COL24A1: variants seen among roughly 807,000 people sequenced by gnomAD.
COL24A1 encodes the protein collagen type XXIV alpha 1 chain.
In COL24A1, 224 loss-of-function variants were observed where a neutral mutation model predicts 253.9. The ratio of observed to expected loss-of-function variants is 0.88; its 90% confidence interval spans 0.79 to 0.99. The LOEUF (loss-of-function observed/expected upper bound fraction) is 0.99. COL24A1 is among the 50% of genes least tolerant of loss of function. The probability of loss-of-function intolerance (pLI) is 0.00; values close to 1 mark genes in which losing one functional copy is unlikely to be tolerated. For missense variants in COL24A1, 2,131 were observed against 2,068.5 expected, an observed-to-expected ratio of 1.03 and a Z score of -0.59; for synonymous variants, 685 against 673.7, an observed-to-expected ratio of 1.02 and a Z score of -0.26.
chr1:86,049,032 G>A lies in COL24A1; in HGVS notation c.1905+1092C>T, dbSNP rs546973537. Among the ~76,000 whole-genome samples, 182 of 152,290 alleles carry A rather than the reference G, an allele frequency of 1.2e-3. 3 individuals carry two copies. The highest frequency in any genetic ancestry group is 6.8e-3 in the Middle Eastern group (2 of 294). ...TTAACAACGTAAACTGGAACCATTG[G>A]GTCAAGAAGTAGCAGATCAATTCTC... On this transcript the variant is annotated intron_variant, in intron 11 of 59. Transcript: ENST00000370571.
chr1:85,881,742 G>T (rs911041103), intron 32 of COL24A1, among the ~76,000 whole-genome samples: 2 of 152,134 alleles, frequency 1.3e-5, no homozygotes, highest in African/African-American at 4.8e-5. Flanking sequence ...TTAGTAATTT[G>T]TATTTTCTCC....
At chr1:85,736,246 T>G (rs1014383626) in intron 58 of COL24A1, 12 of 453,676 alleles carry the variant, frequency 2.6e-5, no homozygotes, top group African/African-American at 2.4e-4. Flanking sequence ...TGATTCCAAG[T>G]CTACTGTTCA....
At chr1:85,975,851 C>T (rs1205622547) in intron 20 of COL24A1, among the ~76,000 whole-genome samples, 1 of 152,084 alleles carries the variant, frequency 6.6e-6, no homozygotes, top group African/African-American at 2.4e-5. Context: ...CACTGGGGAC[C>T]CTGAAAACCC....
At chr1:86,011,683 T>C (rs1051981497) in intron 19 of COL24A1, among the ~76,000 whole-genome samples, 15 of 152,226 alleles carry the variant, frequency 9.9e-5, no homozygotes, top group African/African-American at 3.6e-4. Flanking sequence ...AAAACATTTA[T>C]AGAATGCTAT....
chr1:85,743,150 T>C (rs533360511), intron 57 of COL24A1, among the ~76,000 whole-genome samples: 1 of 152,322 alleles, frequency 6.6e-6, no homozygotes, highest in Non-Finnish European at 1.5e-5. Context: ...TCCCATCTTA[T>C]CAAGAGTACA....
chr1:85,945,083 T>A (rs542557389), intron 24 of COL24A1, among the ~76,000 whole-genome samples: 1 of 129,152 alleles, frequency 7.7e-6, no homozygotes, highest in South Asian at 2.9e-4. Context: ...AGTGGCACAA[T>A]CTCGGCTCAC....
At chr1:85,798,442 C>T (rs1306438795) in intron 47 of COL24A1, among the ~76,000 whole-genome samples, 1 of 152,088 alleles carries the variant, frequency 6.6e-6, no homozygotes, top group Non-Finnish European at 1.5e-5. Flanking sequence ...TAATCAACCT[C>T]TTAATAATGA....
chr1:86,111,437 G>A (rs918187463), intron 5 of COL24A1, among the ~76,000 whole-genome samples: 1 of 151,156 alleles, frequency 6.6e-6, no homozygotes, highest in African/African-American at 2.4e-5. Context: ...TCAGCACTCA[G>A]TGTATAGCTC....
At chr1:85,888,423 C>T (rs1397971427) in intron 32 of COL24A1, among the ~76,000 whole-genome samples, 1 of 152,072 alleles carries the variant, frequency 6.6e-6, no homozygotes, top group Non-Finnish European at 1.5e-5. Context: ...TCATTTCTAT[C>T]CCTATCTGGC....
chr1:85,867,249 T>C (rs1246124902), intron 37 of COL24A1, among the ~76,000 whole-genome samples: 3 of 152,068 alleles, frequency 2.0e-5, no homozygotes, highest in Non-Finnish European at 4.4e-5. Flanking sequence ...AAGCTGAAAA[T>C]TATAAACACT....
chr1:86,102,850 A>G (rs914665702), intron 5 of COL24A1, among the ~76,000 whole-genome samples: 4 of 152,102 alleles, frequency 2.6e-5, no homozygotes, highest in African/African-American at 9.7e-5. Flanking sequence ...AAGAATGTAT[A>G]TTCTGTTGTT....
intron 25 of COL24A1, 101 bp from the exon 26 acceptor site, chr1:85,910,104 T>G: frequency 1.4e-6 from 1 of 709,790 alleles, no homozygotes. Flanking sequence ...AATCATGTCT[T>G]ACATGCATAC....
intron 19 of COL24A1, among the ~76,000 whole-genome samples, chr1:86,009,614 A>T (rs1028316530): frequency 6.6e-6 from 1 of 152,204 alleles, no homozygotes; most frequent in Admixed American, 6.5e-5. Flanking sequence ...AAAATGGTAC[A>T]TCTGTATAGG....
intron 5 of COL24A1, among the ~76,000 whole-genome samples, chr1:86,106,403 T>A (rs1007421911): frequency 6.6e-6 from 1 of 152,158 alleles, no homozygotes; most frequent in African/African-American, 2.4e-5. Flanking sequence ...GAAGGAACTA[T>A]TGGCCCTGAC....
At chr1:85,904,509 A>G (rs970058643) in intron 28 of COL24A1, among the ~76,000 whole-genome samples, 3 of 152,166 alleles carry the variant, frequency 2.0e-5, no homozygotes, top group African/African-American at 7.2e-5. Flanking sequence ...TACACAAGGG[A>G]CATGATTTTG....
intron 7 of COL24A1, among the ~76,000 whole-genome samples, chr1:86,066,409 T>A (rs908428251): frequency 6.6e-6 from 1 of 151,930 alleles, no homozygotes. Flanking sequence ...CGGCTATTTT[T>A]TTTTTCCTGT....
In COL24A1 at chr1:86,055,904, C is replaced by T. The variant is rs570093908; in HGVS notation, c.1851+2027G>A. ...TTGGGAGGCTGAGGCAGGCAGATCA[C>T]AAGGTCAGGAGTTCGAGACCAGCCT... On this transcript the variant is annotated intron_variant, in intron 10 of 59. Coordinates refer to ENST00000370571, the MANE Select transcript of COL24A1 (RefSeq NM_152890.7). 3.0e-3 allele frequency among the ~76,000 whole-genome samples: 462 copies of T among 152,122 alleles called. 1 individual carries two copies. Among genetic ancestry groups the T allele is most frequent in the African/African-American group, 9.1e-3 (378 of 41,526 alleles).
intron 12 of COL24A1, among the ~76,000 whole-genome samples, chr1:86,037,752 T>C (rs1295200848): frequency 1.3e-5 from 2 of 152,014 alleles, no homozygotes; most frequent in African/African-American, 2.4e-5. Flanking sequence ...GCTGCTAAGT[T>C]TGTGGTATTT....
chr1:86,133,177 C>A (rs967877432), intron 2 of COL24A1, among the ~76,000 whole-genome samples: 3 of 152,082 alleles, frequency 2.0e-5, no homozygotes, highest in Non-Finnish European at 4.4e-5. Context: ...TATAAGAATG[C>A]TTGTGATTTT....
Sources: allele counts gnomAD v4.1 joint callset (sites outside exome capture counted in the v4.1 genomes callset), GRCh38; gene constraint gnomAD v4.1.1; transcripts MANE v1.5; gene names NCBI Gene and HGNC (gene_info 2026-07-23, HGNC 2026-07-21).